Variants in MYC observed in about 807,000 individuals in gnomAD.
MYC encodes the protein myc proto-oncogene protein.
A neutral mutation model predicts 30.5 loss-of-function variants in MYC; 1 was observed. That is an observed-to-expected ratio of 0.03 (90% CI 0.01 to 0.16). The LOEUF is 0.16. MYC is among the 10% of genes least tolerant of loss of function. MYC has a pLI of 1.00. For synonymous variants in MYC, 267 were observed against 250.7 expected, an observed-to-expected ratio of 1.07 and a Z score of -0.62; for missense variants, 508 against 589.0, an observed-to-expected ratio of 0.86 and a Z score of 1.42.
chr8:127,735,667 G>C (rs1053494285), upstream of MYC: 8 of 398,686 alleles, frequency 2.0e-5, no homozygotes, highest in Non-Finnish European at 3.5e-5. Flanking sequence ...CTGCAGCCTG[G>C]TACGCGCGTG....
At chr8:127,735,558 C>T (rs1290681834), upstream of MYC, 4 of 399,136 alleles carry the variant, frequency 1.0e-5, no homozygotes, top group African/African-American at 8.2e-5. Flanking sequence ...ACTAACATCC[C>T]ACGCTCTGAA....
chr8:127,740,431 G>C lies in MYC; in HGVS notation c.838G>C (p.Val280Leu), dbSNP rs1195526437. ...AGAAGATGAGGAAGAAATCGATGTT[G>C]TTTCTGTGGAAAAGAGGCAGGCTCC... Residue 280 changes from valine to leucine, a missense_variant, in exon 3 of 3, where the codon GTT becomes CTT. This residue lies in a region of MYC where 364 missense variants were observed against 381.1 expected (regional missense o/e 0.96). Transcript: ENST00000621592. 2.5e-6 allele frequency: 4 copies of C among 1,614,068 alleles called. No individual in the cohort carries two copies. Among genetic ancestry groups the C allele is most frequent in the Non-Finnish European group, 3.4e-6 (4 of 1,179,970 alleles).
rs530668928 is a variant in MYC, at chr8:127,738,943, G to C, written c.726G>C (p.Thr242=). The change falls in exon 2 of 3, where the codon ACG becomes ACC. Residue 242 remains threonine (T), a synonymous_variant. Transcript: ENST00000621592. The surrounding 1 kb of genome is among the most constrained non-coding windows in gnomAD (Gnocchi z 7.6). ...CCTCGGATTCTCTGCTCTCCTCGACGGAGTCCTCCCCGCAGGGCAGCCCCG... is the reference window on the plus strand; with the variant it reads ...CCTCGGATTCTCTGCTCTCCTCGACCGAGTCCTCCCCGCAGGGCAGCCCCG... 5.6e-6 allele frequency: 9 copies of C among 1,599,732 alleles called. No individual in the cohort carries two copies. In the East Asian group the frequency reaches 1.1e-4, roughly 20 times the overall value.
chr8:127,742,066 G>A lies in MYC; in HGVS notation c.*1108G>A, dbSNP rs189649721. On this transcript the variant is annotated 3_prime_UTR_variant, in exon 3 of 3. Transcript: ENST00000621592. Reference sequence around the variant, plus strand: ...TTCTGTTCAAAACACTTAACCCTTCGCTATCATGCCTTGGTTCATCTGGGT... The same window carrying A: ...TTCTGTTCAAAACACTTAACCCTTCACTATCATGCCTTGGTTCATCTGGGT... 5.9e-5 allele frequency among the ~76,000 whole-genome samples: 9 copies of A among 152,292 alleles called. No homozygotes were observed. In the South Asian group the frequency reaches 6.2e-4, roughly 11 times the overall value.
rs771723282 is a variant in MYC at position 127,738,629 on chromosome 8, A to T, written c.412A>T (p.Thr138Ser). The change falls in exon 2 of 3, where the codon ACC becomes TCC. Residue 138 changes from threonine (T) to serine (S), a missense_variant. By Grantham distance (58) the Thr-to-Ser change is moderately conservative. Transcript: ENST00000621592. The surrounding 1 kb of genome is among the most constrained non-coding windows in gnomAD (Gnocchi z 7.6). ...TTTCATCTGCGACCCGGACGACGAG[A>T]CCTTCATCAAAAACATCATCATCCA... The T allele has an allele frequency of 6.2e-7, 1 of 1,612,976 alleles. No homozygotes were observed. The highest frequency in any genetic ancestry group is 8.5e-7 in the Non-Finnish European group (1 of 1,179,238).
At position 127,738,854 on chromosome 8, in the gene MYC, C is replaced by A. The variant is rs2130097010; in HGVS notation, c.637C>A (p.Pro213Thr). 1 of 1,611,922 alleles carries A rather than the reference C, an allele frequency of 6.2e-7. No individual in the cohort carries two copies. Among genetic ancestry groups the A allele is most frequent in the Non-Finnish European group, 8.5e-7 (1 of 1,179,694 alleles). ...CGACCCCTCGGTGGTCTTCCCCTACCCTCTCAACGACAGCAGCTCGCCCAA... is the reference window on the plus strand; with the variant it reads ...CGACCCCTCGGTGGTCTTCCCCTACACTCTCAACGACAGCAGCTCGCCCAA... Residue 213 changes from proline (P) to threonine (T), a missense_variant, in exon 2 of 3, where the codon CCT becomes ACT. Pro to Thr is a conservative substitution (Grantham distance 38). Coordinates refer to ENST00000621592, the MANE Select transcript of MYC (RefSeq NM_002467.6). This position sits in a 1 kb window ranked among gnomAD's most constrained non-coding sequence, Gnocchi z 7.6.
chr8:127,742,305 T>C lies in MYC; in HGVS notation c.*1347T>C, dbSNP rs549762957. 1.3e-5 allele frequency among the ~76,000 whole-genome samples: 2 copies of C among 152,160 alleles called. No homozygotes were observed. The highest frequency in any genetic ancestry group is 2.9e-5 in the Non-Finnish European group (2 of 68,018). On this transcript the variant is annotated 3_prime_UTR_variant, in exon 3 of 3. Coordinates refer to ENST00000621592, the MANE Select transcript of MYC (RefSeq NM_002467.6). ...CATCCACATGCCCAAGATTCACTGA[T>C]AGGGAAAAGTGGAAGCGAGATTTGA...
At chr8:127,736,862 T>C (rs1813600449) in intron 1 of MYC, among the ~76,000 whole-genome samples, 1 of 152,176 alleles carries the variant, frequency 6.6e-6, no homozygotes, top group African/African-American at 2.4e-5. Context: ...TTTTTAAGAC[T>C]ACCCTTTCGA....
At chr8:127,737,935 G>A (rs1289022871) in intron 1 of MYC, among the ~76,000 whole-genome samples, 1 of 152,196 alleles carries the variant, frequency 6.6e-6, no homozygotes, top group Non-Finnish European at 1.5e-5. Flanking sequence ...GGGCGCCAGG[G>A]CCGATTTCGA....
At chr8:127,737,547 G>C (rs747555625) in intron 1 of MYC, among the ~76,000 whole-genome samples, 1 of 152,194 alleles carries the variant, frequency 6.6e-6, no homozygotes, top group Non-Finnish European at 1.5e-5. Context: ...AGTGCGAAGG[G>C]AGGTGCCCCT....
At position 127,736,298 on chromosome 8, in the gene MYC, C is replaced by T; in HGVS notation, c.-296C>T. The T allele has an allele frequency of 1.8e-6, 1 of 552,288 alleles. No homozygotes were observed. The highest frequency in any genetic ancestry group is 3.2e-6 in the Non-Finnish European group (1 of 313,800). 34.2% of individuals were successfully genotyped at this position (552,288 alleles called of 1,614,324 possible). A position where few individuals can be genotyped will look rare whatever the true frequency, so the allele number is the denominator to read the frequency against. On this transcript the variant is annotated 5_prime_UTR_variant, in exon 1 of 3. Transcript: ENST00000621592. ...GGGCGGCCGGCTAGGGTGGAAGAGC[C>T]GGGCGAGCAGAGCTGCGCTGCGGGC...
chr8:127,737,161 C>T (rs796497101), intron 1 of MYC, among the ~76,000 whole-genome samples: 2 of 152,292 alleles, frequency 1.3e-5, no homozygotes, highest in Non-Finnish European at 2.9e-5. Context: ...CCCGCCTGTC[C>T]CCGCGGCGAT....
chr8:127,737,742 G>A (rs1035751270), intron 1 of MYC, among the ~76,000 whole-genome samples: 84 of 152,134 alleles, frequency 5.5e-4, no homozygotes, highest in Non-Finnish European at 9.0e-4. Flanking sequence ...TGCCGGCGGG[G>A]GTAGGAGAGC....
intron 1 of MYC, among the ~76,000 whole-genome samples, chr8:127,737,770 G>C (rs1454023632): frequency 1.3e-5 from 2 of 152,150 alleles, no homozygotes; most frequent in Admixed American, 6.5e-5. Flanking sequence ...GCGCGAGTGG[G>C]AACAGCCGCA....
chr8:127,736,184 G>C, upstream of MYC: 1 of 467,194 alleles, frequency 2.1e-6, no homozygotes. Flanking sequence ...AAAGAACGGA[G>C]GGAGGGATCG....
chr8:127,735,737 G>T (rs973226133), upstream of MYC: 12 of 399,062 alleles, frequency 3.0e-5, no homozygotes, highest in African/African-American at 2.5e-4. Flanking sequence ...CGCCTGCGAT[G>T]ATTTATACTC....
At position 127,740,972 on chromosome 8, in the gene MYC, A is replaced by C; in HGVS notation, c.*14A>C. ...TCTTGTGCGTAAGGAAAAGTAAGGA[A>C]AACGATTCCTTCTAACAGAAATGTC... On this transcript the variant is annotated 3_prime_UTR_variant, in exon 3 of 3. Coordinates refer to ENST00000621592, the MANE Select transcript of MYC (RefSeq NM_002467.6). 2 of 1,533,462 alleles carry C rather than the reference A, an allele frequency of 1.3e-6. No homozygotes were observed. The highest frequency in any genetic ancestry group is 1.7e-6 in the Non-Finnish European group (2 of 1,145,946). The allele number at this position is 1,533,462 out of a possible 1,614,324, so 95.0% of individuals were successfully genotyped here. A position where few individuals can be genotyped will look rare whatever the true frequency, so the allele number is the denominator to read the frequency against.
In MYC at chr8:127,740,398, G is replaced by C. The variant is rs1813689605; in HGVS notation, c.805G>C (p.Glu269Gln). Residue 269 changes from glutamate to glutamine, a missense_variant and splice_region_variant, in exon 3 of 3, where the codon GAG (glutamate) becomes CAG (glutamine). By Grantham distance (29) the Glu-to-Gln change is conservative. This residue lies in a region of MYC where 364 missense variants were observed against 381.1 expected (regional missense o/e 0.96). Coordinates refer to ENST00000621592, the MANE Select transcript of MYC (RefSeq NM_002467.6). ...GATTTCTATTTCCTTTCTTAAAGAGGAGGAACAAGAAGATGAGGAAGAAAT... is the reference window on the plus strand; with the variant it reads ...GATTTCTATTTCCTTTCTTAAAGAGCAGGAACAAGAAGATGAGGAAGAAAT... The C allele has an allele frequency of 6.2e-6, 10 of 1,612,340 alleles. No homozygotes were observed. The highest frequency in any genetic ancestry group is 8.5e-6 in the Non-Finnish European group (10 of 1,178,734).
In MYC at chr8:127,738,682, C is replaced by T. The variant is rs1408241478; in HGVS notation, c.465C>T (p.Ala155=). The change falls in exon 2 of 3, where the codon GCC becomes GCT. Residue 155 remains alanine, a synonymous_variant. Transcript: ENST00000621592. This position sits in a 1 kb window ranked among gnomAD's most constrained non-coding sequence, Gnocchi z 7.6. ...ACTGTATGTGGAGCGGCTTCTCGGC[C>T]GCCGCCAAGCTCGTCTCAGAGAAGC... 2.5e-6 allele frequency: 4 copies of T among 1,614,076 alleles called. No individual in the cohort carries two copies. The African/African-American group carries it at 5.3e-5, about 22-fold the overall frequency.
Sources: allele counts gnomAD v4.1 joint callset (sites outside exome capture counted in the v4.1 genomes callset), GRCh38; gene constraint gnomAD v4.1.1; regional missense constraint gnomAD v4.1.1; non-coding constraint Gnocchi (gnomAD v3.1); transcripts MANE v1.5; gene names NCBI Gene and HGNC (gene_info 2026-07-23, HGNC 2026-07-21).